Variants in AFDN observed in about 807,000 individuals in gnomAD.
AFDN encodes the protein afadin, adherens junction formation factor.
In AFDN, 68 loss-of-function variants were observed where a neutral mutation model predicts 216.6. The observed-to-expected ratio is 0.31, with a 90% CI of 0.26 to 0.38. AFDN has a LOEUF of 0.38. Ranked by LOEUF, AFDN falls within the 10% of genes least tolerant of loss-of-function variation. The pLI, the probability that AFDN is intolerant of heterozygous loss-of-function variation, is 1.00. For missense variants in AFDN, 2,136 were observed against 2,342.0 expected, an observed-to-expected ratio of 0.91 and a Z score of 1.82; for synonymous variants, 868 against 853.7, an observed-to-expected ratio of 1.02 and a Z score of -0.29.
intron 1 of AFDN, among the ~76,000 whole-genome samples, chr6:167,844,065 A>G (rs1052465764): frequency 6.6e-6 from 1 of 152,140 alleles, no homozygotes; most frequent in African/African-American, 2.4e-5. Context: ...TCTGTAGGGT[A>G]AATTTGAAGG....
At chr6:167,832,775 C>G (rs1484423933) in intron 1 of AFDN, among the ~76,000 whole-genome samples, 1 of 152,154 alleles carries the variant, frequency 6.6e-6, no homozygotes, top group Non-Finnish European at 1.5e-5. Context: ...CTTTTGCTCA[C>G]AAGAAATTTA....
intron 23 of AFDN, among the ~76,000 whole-genome samples, chr6:167,934,274 C>G (rs1793703262): frequency 6.6e-6 from 1 of 152,144 alleles, no homozygotes; most frequent in Admixed American, 6.5e-5. Flanking sequence ...GAACTACAGC[C>G]TTGCTCATAG....
intron 12 of AFDN, among the ~76,000 whole-genome samples, chr6:167,905,100 C>T (rs1363748335): frequency 1.3e-5 from 2 of 152,144 alleles, no homozygotes; most frequent in African/African-American, 4.8e-5. Context: ...CACACTCTGG[C>T]CCCTTCTTGT....
At chr6:167,928,012 T>C (rs982132394) in intron 23 of AFDN, among the ~76,000 whole-genome samples, 12 of 152,338 alleles carry the variant, frequency 7.9e-5, no homozygotes, top group African/African-American at 2.6e-4. Flanking sequence ...TTTTAAATGC[T>C]CTTCTTACCT....
At chr6:167,946,967 C>G (rs1795340411) in intron 27 of AFDN, 66 bp downstream of exon 27, 12 of 1,389,136 alleles carry the variant, frequency 8.6e-6, no homozygotes, top group Non-Finnish European at 1.2e-5. Context: ...AGAGGAGGCA[C>G]TTTGTGGTTT....
intron 1 of AFDN, among the ~76,000 whole-genome samples, chr6:167,841,182 T>G (rs1410993722): frequency 3.3e-5 from 5 of 152,112 alleles, no homozygotes; most frequent in African/African-American, 1.2e-4. Context: ...TTAACCAGAA[T>G]CAAAAATGTC....
chr6:167,905,438 T>A (rs1401386587), intron 12 of AFDN, among the ~76,000 whole-genome samples: 1 of 152,170 alleles, frequency 6.6e-6, no homozygotes, highest in Non-Finnish European at 1.5e-5. Flanking sequence ...CAAAGAAGAC[T>A]TGGTAAATAG....
intron 11 of AFDN, among the ~76,000 whole-genome samples, chr6:167,901,591 G>A (rs981568764): frequency 2.6e-5 from 4 of 152,128 alleles, no homozygotes; most frequent in Non-Finnish European, 4.4e-5. Flanking sequence ...TGATACTCAT[G>A]TGCTTTACAA....
chr6:167,871,055 G>A (rs1784731594), intron 3 of AFDN, among the ~76,000 whole-genome samples: 1 of 152,160 alleles, frequency 6.6e-6, no homozygotes, highest in South Asian at 2.1e-4. Context: ...ATGGACAAGT[G>A]ATAGCAAATG....
At chr6:167,847,385 T>C (rs1192371259) in intron 1 of AFDN, among the ~76,000 whole-genome samples, 1 of 152,120 alleles carries the variant, frequency 6.6e-6, no homozygotes, top group Non-Finnish European at 1.5e-5. Flanking sequence ...GTCCCTCATA[T>C]CTCTATTTAG....
At position 167,914,275 on chromosome 6, in the gene AFDN, T is replaced by C. The variant is rs1790768649; in HGVS notation, c.2166T>C (p.Ala722=). 3 of 1,614,166 alleles carry C rather than the reference T, an allele frequency of 1.9e-6. No homozygotes were observed. Among genetic ancestry groups the C allele is most frequent in the Admixed American group, 3.3e-5 (2 of 60,028 alleles). ...ACCTTAGTCGGATCACACTGGATGC[T>C]CAAGATGTTTTAGCACATTTGGTTC... ...DRDLSRITLD[A]QDVLAHLVQM... Residue 722 remains alanine (A), a synonymous_variant, in exon 17 of 34, where the codon GCT becomes GCC. Transcript: ENST00000683244.
intron 2 of AFDN, among the ~76,000 whole-genome samples, chr6:167,868,114 C>T (rs147668056): frequency 2.0e-4 from 30 of 152,172 alleles, no homozygotes; most frequent in African/African-American, 7.2e-4. Flanking sequence ...GGCATCTTTT[C>T]GTTGAATAAC....
chr6:167,863,764 A>T (rs1298052138), intron 1 of AFDN: 1 of 518,786 alleles, frequency 1.9e-6, no homozygotes, highest in African/African-American at 1.9e-5. Flanking sequence ...TGGAGGGGAT[A>T]CCTTTGGCTG....
chr6:167,905,137 C>G (rs1181068349), intron 12 of AFDN, among the ~76,000 whole-genome samples: 1 of 152,186 alleles, frequency 6.6e-6, no homozygotes, highest in East Asian at 1.9e-4. Context: ...AAGCCACATT[C>G]CTGAAGAGGT....
intron 1 of AFDN, among the ~76,000 whole-genome samples, chr6:167,834,200 C>CG (rs1291063988): frequency 6.6e-6 from 1 of 152,088 alleles, no homozygotes; most frequent in Admixed American, 6.5e-5. Context: ...GTGCATCCAT[C>CG]ACCCTAGCAG....
At chr6:167,939,117 A>G (rs1191555260) in intron 23 of AFDN, among the ~76,000 whole-genome samples, 1 of 152,210 alleles carries the variant, frequency 6.6e-6, no homozygotes, top group Non-Finnish European at 1.5e-5. Context: ...TTGTTCTAAA[A>G]TATATATTTG....
In AFDN at chr6:167,962,817, G is replaced by A. The variant is rs555153803; in HGVS notation, c.4968+250G>A. 1.1e-5 allele frequency: 15 copies of A among 1,320,622 alleles called. No homozygotes were observed. Among genetic ancestry groups the A allele is most frequent in the Admixed American group, 9.4e-5 (3 of 32,078 alleles). The allele number at this position is 1,320,622 out of a possible 1,614,324, so 81.8% of individuals were successfully genotyped here. On this transcript the variant is annotated intron_variant, in intron 31 of 33. Coordinates refer to ENST00000683244, the MANE Select transcript of AFDN (RefSeq NM_001386888.1). This position sits in a 1 kb window ranked among gnomAD's most constrained non-coding sequence, Gnocchi z 5.2. ...CCTTCAAACTTCTGAACTCTTGGGC[G>A]TGTGTAGCAGTGAGCCTCTTTGCAA...
intron 12 of AFDN, among the ~76,000 whole-genome samples, chr6:167,906,460 T>C (rs528818186): frequency 1.3e-5 from 2 of 152,324 alleles, no homozygotes; most frequent in South Asian, 4.1e-4. Context: ...TTGTGCCCAG[T>C]TTCTGTAGTA....
intron 29 of AFDN, among the ~76,000 whole-genome samples, chr6:167,948,692 G>A (rs1314542977): frequency 6.6e-6 from 1 of 152,230 alleles, no homozygotes; most frequent in Non-Finnish European, 1.5e-5. Flanking sequence ...TTAACAAAAT[G>A]TTAGGAATAT....
Sources: gnomAD v4.1 joint callset for allele counts (sites outside exome capture counted in the v4.1 genomes callset) on GRCh38, gnomAD v4.1.1 for gene constraint, Gnocchi (gnomAD v3.1) non-coding constraint, MANE v1.5 for transcripts, NCBI Gene and HGNC (gene_info 2026-07-23, HGNC 2026-07-21) for gene names.